DYNC1I1: variants seen among roughly 807,000 people sequenced by gnomAD.
The protein encoded by DYNC1I1 is cytoplasmic dynein 1 intermediate chain 1.
A neutral mutation model predicts 86.6 loss-of-function variants in DYNC1I1; 43 were observed. That is an observed-to-expected ratio of 0.50 (90% CI 0.39 to 0.64). The LOEUF (loss-of-function observed/expected upper bound fraction) is 0.64. Ranked by LOEUF, DYNC1I1 falls within the 30% of genes least tolerant of loss-of-function variation. The pLI is 0.00. For missense variants in DYNC1I1, 604 were observed against 788.8 expected (o/e 0.77, Z 2.81); for synonymous variants, 262 against 283.7 (o/e 0.92, Z 0.77).
intron 7 of DYNC1I1, among the ~76,000 whole-genome samples, chr7:95,981,503 AAATTTCTTTC>A (rs1464422825): frequency 4.6e-5 from 7 of 152,216 alleles, no homozygotes; most frequent in African/African-American, 1.7e-4. Flanking sequence ...GTATTCTGTA[AAATTTCTTTC>A]ATACATGTTA....
intron 1 of DYNC1I1, among the ~76,000 whole-genome samples, chr7:95,804,047 TG>T (rs1794646274): frequency 6.6e-6 from 1 of 152,170 alleles, no homozygotes; most frequent in African/African-American, 2.4e-5. Context: ...AAAGTGAAGG[TG>T]CCAGAATAAG....
At chr7:96,073,796 C>T (rs1009028112) in intron 14 of DYNC1I1, among the ~76,000 whole-genome samples, 1 of 152,140 alleles carries the variant, frequency 6.6e-6, no homozygotes, top group African/African-American at 2.4e-5. Context: ...TAATCTTCTA[C>T]TGAGAGTTAG....
downstream of DYNC1I1, among the ~76,000 whole-genome samples, chr7:96,098,915 T>C (rs1435298470): frequency 6.6e-6 from 1 of 152,192 alleles, no homozygotes; most frequent in Non-Finnish European, 1.5e-5. Context: ...GGAATTCCCA[T>C]TGGGACTTTG....
intron 6 of DYNC1I1, among the ~76,000 whole-genome samples, chr7:95,901,921 G>T (rs777729571): frequency 6.6e-6 from 1 of 152,228 alleles, no homozygotes; most frequent in Non-Finnish European, 1.5e-5. Context: ...TTTCCCTGGT[G>T]ATGCTGAACA....
chr7:95,846,392 A>T (rs935594901), intron 5 of DYNC1I1, among the ~76,000 whole-genome samples: 17 of 152,196 alleles, frequency 1.1e-4, no homozygotes, highest in African/African-American at 3.9e-4. Flanking sequence ...GCCAGACTTG[A>T]CATTTGCTTC....
chr7:96,029,863 A>G (rs1194355868), intron 11 of DYNC1I1, among the ~76,000 whole-genome samples: 1 of 151,678 alleles, frequency 6.6e-6, no homozygotes, highest in Non-Finnish European at 1.5e-5. Context: ...GTGTGCCAAG[A>G]TTTTACCACT....
chr7:95,956,579 G>A (rs1792721068), intron 6 of DYNC1I1, among the ~76,000 whole-genome samples: 1 of 150,758 alleles, frequency 6.6e-6, no homozygotes, highest in Non-Finnish European at 1.5e-5. Context: ...TCCCCTCCCT[G>A]TGTCCATATG....
At chr7:95,960,619 T>A (rs1485139614) in intron 6 of DYNC1I1, among the ~76,000 whole-genome samples, 1 of 152,198 alleles carries the variant, frequency 6.6e-6, no homozygotes, top group Non-Finnish European at 1.5e-5. Flanking sequence ...AAAAGAGTGA[T>A]AGAAACTTGA....
intron 5 of DYNC1I1, among the ~76,000 whole-genome samples, chr7:95,851,941 G>A (rs1240945501): frequency 1.3e-5 from 2 of 152,196 alleles, no homozygotes; most frequent in Non-Finnish European, 2.9e-5. Flanking sequence ...TGGGATTACA[G>A]GTGTGAGCCA....
intron 14 of DYNC1I1, among the ~76,000 whole-genome samples, chr7:96,061,381 G>A (rs962836229): frequency 1.3e-5 from 2 of 152,112 alleles, no homozygotes; most frequent in Admixed American, 6.5e-5. Flanking sequence ...CTCGGGAAGA[G>A]GTAAAAATTA....
intron 15 of DYNC1I1, among the ~76,000 whole-genome samples, chr7:96,078,361 T>C (rs1790405893): frequency 6.6e-6 from 1 of 152,166 alleles, no homozygotes; most frequent in Non-Finnish European, 1.5e-5. Flanking sequence ...AGAGAGAACA[T>C]ATGAATTGTT....
chr7:96,097,631 T>C lies in DYNC1I1; in HGVS notation c.*38T>C, dbSNP rs747418835. On this transcript the variant is annotated 3_prime_UTR_variant, in exon 17 of 17. Coordinates refer to ENST00000447467, the MANE Select transcript of DYNC1I1 (RefSeq NM_001135556.2). ...ACCCCCACTGCAGCCCCCACCTTTG[T>C]GTCCTAGAGCTCAGCGTCTGCAGTC... is the stretch of plus-strand genomic sequence containing the variant. 2 of 1,612,006 alleles carry C rather than the reference T, an allele frequency of 1.2e-6. No homozygotes were observed. Among genetic ancestry groups the C allele is most frequent in the South Asian group, 1.1e-5 (1 of 90,790 alleles).
chr7:96,092,345 A>G (rs569245558), intron 16 of DYNC1I1, among the ~76,000 whole-genome samples: 1 of 152,334 alleles, frequency 6.6e-6, no homozygotes, highest in South Asian at 2.1e-4. Context: ...TAAGCTTATT[A>G]CATTTTTTTG....
intron 6 of DYNC1I1, among the ~76,000 whole-genome samples, chr7:95,947,068 T>C (rs1584189639): frequency 1.3e-5 from 2 of 152,208 alleles, no homozygotes; most frequent in African/African-American, 4.8e-5. Context: ...GAAATTTTAG[T>C]ATTTTTAAGG....
intron 13 of DYNC1I1, among the ~76,000 whole-genome samples, chr7:96,037,131 T>A (rs1231488709): frequency 6.6e-6 from 1 of 152,202 alleles, no homozygotes; most frequent in East Asian, 1.9e-4. Context: ...CAAGCTGTTA[T>A]GTTCCTGCTG....
chr7:95,950,831 T>C (rs1252202656), intron 6 of DYNC1I1, among the ~76,000 whole-genome samples: 3 of 152,044 alleles, frequency 2.0e-5, no homozygotes, highest in African/African-American at 7.2e-5. Flanking sequence ...ACAATAAAGA[T>C]CACAAAAATT....
At chr7:95,894,174 G>A (rs1790814895) in intron 6 of DYNC1I1, among the ~76,000 whole-genome samples, 1 of 151,762 alleles carries the variant, frequency 6.6e-6, no homozygotes. Flanking sequence ...CATCTAGAAT[G>A]CTATAATGAG....
chr7:95,828,868 A>G (rs1204310891), intron 5 of DYNC1I1, among the ~76,000 whole-genome samples: 3 of 152,124 alleles, frequency 2.0e-5, no homozygotes, highest in Non-Finnish European at 4.4e-5. Flanking sequence ...GGGTGTTTGT[A>G]TCAGCTGGTC....
rs573222303 is a variant in DYNC1I1, at chr7:95,774,538, G to T, written c.-10+1765G>T. ...ATAAACTCGACCCGCAGGAAAAGGGGCAGAGTTCTTAAAGTAGTGGTCCAT... is the reference window on the plus strand; with the variant it reads ...ATAAACTCGACCCGCAGGAAAAGGGTCAGAGTTCTTAAAGTAGTGGTCCAT... On this transcript the variant is annotated intron_variant, in intron 1 of 16. Coordinates refer to ENST00000447467, the MANE Select transcript of DYNC1I1 (RefSeq NM_001135556.2). 3.6e-3 allele frequency among the ~76,000 whole-genome samples: 551 copies of T among 152,288 alleles called. 3 individuals are homozygous for T. The highest frequency in any genetic ancestry group is 0.013 in the African/African-American group (534 of 41,556).
Sources: allele counts gnomAD v4.1 joint callset (sites outside exome capture counted in the v4.1 genomes callset), GRCh38; gene constraint gnomAD v4.1.1; transcripts MANE v1.5; gene names NCBI Gene and HGNC (gene_info 2026-07-23, HGNC 2026-07-21).